Variants in ABITRAM observed in about 807,000 individuals in gnomAD.
ABITRAM encodes actin binding transcription modulator.
In ABITRAM, 19 loss-of-function variants were observed where a neutral mutation model predicts 22.9. That is an observed-to-expected ratio of 0.83 (90% CI 0.58 to 1.22). The LOEUF (loss-of-function observed/expected upper bound fraction) is 1.22, where lower values mean the gene tolerates loss of function less well. Among genes scored for constraint, ABITRAM ranks in the 50% most tolerant of loss-of-function variants. The pLI, the probability that ABITRAM is intolerant of heterozygous loss-of-function variation, is 0.00. For synonymous variants in ABITRAM, 70 were observed against 73.9 expected (o/e 0.95, Z 0.27); for missense variants, 215 against 220.2 (o/e 0.98, Z 0.15).
chr9:108,950,009 G>A (rs1173591921), intron 3 of ABITRAM, among the ~76,000 whole-genome samples: 5 of 136,140 alleles, frequency 3.7e-5, no homozygotes, highest in South Asian at 2.5e-4. Flanking sequence ...GGGTGACAGA[G>A]CAAGGCTACA....
chr9:108,943,005 G>A, downstream of ABITRAM: 1 of 1,612,830 alleles, frequency 6.2e-7, no homozygotes, highest in South Asian at 1.1e-5. Context: ...TGGACTAAGA[G>A]AGCCATCATG....
chr9:108,944,974 T>G (rs1472011320), downstream of ABITRAM, among the ~76,000 whole-genome samples: 1 of 152,228 alleles, frequency 6.6e-6, no homozygotes, highest in Non-Finnish European at 1.5e-5. Context: ...ATGAAATGAT[T>G]CACTTCCCCA....
At chr9:108,948,928 T>C (rs16913723) in intron 3 of ABITRAM, among the ~76,000 whole-genome samples, 8,914 of 152,210 alleles carry the variant, frequency 0.059, 900 homozygotes, top group African/African-American at 0.21. Flanking sequence ...ATATCATTCC[T>C]GTTCTCCAGT....
At chr9:108,950,149 A>G (rs1830518777) in intron 3 of ABITRAM, among the ~76,000 whole-genome samples, 1 of 152,312 alleles carries the variant, frequency 6.6e-6, no homozygotes, top group Admixed American at 6.5e-5. Context: ...AACATTTTTT[A>G]AAAGCATGAT....
chr9:108,936,475 C>T (rs1039102691), intron 3 of ABITRAM, 38 bp downstream of exon 3: 6 of 1,599,540 alleles, frequency 3.8e-6, no homozygotes, highest in South Asian at 2.2e-5. Context: ...TACTTACATC[C>T]TCTATATTCA....
chr9:108,949,074 A>C (rs1830483802), intron 3 of ABITRAM, among the ~76,000 whole-genome samples: 1 of 152,240 alleles, frequency 6.6e-6, no homozygotes, highest in South Asian at 2.1e-4. Context: ...AGAAATATGA[A>C]TGATTACATG....
Position 108,935,558 on chromosome 9 carries a change from A to G in ABITRAM, c.80-80A>G, listed in dbSNP as rs910041508. On this transcript the variant is annotated intron_variant, in intron 1 of 5. Coordinates refer to ENST00000322940, the MANE Select transcript of ABITRAM (RefSeq NM_017832.4). The stretch of plus-strand genomic sequence containing the variant: ...TGTATGTGTCCAGTCTTCATTATCA[A>G]CTATATGACCCAAAGAAAGTACCAC... 3 of 1,113,168 alleles carry G rather than the reference A, an allele frequency of 2.7e-6. No individual in the cohort carries two copies. In the African/African-American group the frequency reaches 4.7e-5, roughly 17 times the overall value. 69.0% of individuals were successfully genotyped at this position (1,113,168 alleles called of 1,614,324 possible).
chr9:108,947,818 A>C (rs1830449264), intron 3 of ABITRAM, among the ~76,000 whole-genome samples: 1 of 152,228 alleles, frequency 6.6e-6, no homozygotes, highest in African/African-American at 2.4e-5. Context: ...TTTAATCAAT[A>C]TATTTTATCC....
chr9:108,948,136 A>G, intron 3 of ABITRAM: 1 of 1,591,466 alleles, frequency 6.3e-7, no homozygotes, highest in Non-Finnish European at 8.6e-7. Context: ...TTTATTACCC[A>G]CTTTTAGCCC....
intron 3 of ABITRAM, among the ~76,000 whole-genome samples, chr9:108,938,254 G>A (rs993489176): frequency 6.6e-6 from 1 of 152,156 alleles, no homozygotes; most frequent in Admixed American, 6.5e-5. Flanking sequence ...ATTTTAAAAT[G>A]AAGAACCCAC....
chr9:108,943,611 C>T, downstream of ABITRAM: 3 of 996,462 alleles, frequency 3.0e-6, no homozygotes, highest in South Asian at 1.9e-5. Flanking sequence ...AATAAATTGC[C>T]CTTCTGTGGG....
At chr9:108,942,605 T>C (rs1214627195), downstream of ABITRAM, 5 of 586,402 alleles carry the variant, frequency 8.5e-6, no homozygotes, top group South Asian at 2.3e-5. Flanking sequence ...TTATTAGTTG[T>C]CAAAAAGCTT....
rs1830235418 is a variant in ABITRAM at position 108,939,832 on chromosome 9, CCT to C, written c.*151_*152del. On this transcript the variant is annotated 3_prime_UTR_variant, in exon 6 of 6. Coordinates refer to ENST00000322940, the MANE Select transcript of ABITRAM (RefSeq NM_017832.4). ...AGGCCTAGTGCTTCACTTAGTTTTC[CCT>C]CTCTGTCTTCATAATGAGCCTTGGT... is the stretch of plus-strand genomic sequence containing the variant. 1.1e-6 allele frequency: 1 copy of C among 911,958 alleles called. No individual in the cohort carries two copies. Among genetic ancestry groups the C allele is most frequent in the African/African-American group, 1.7e-5 (1 of 59,212 alleles). 56.5% of individuals were successfully genotyped at this position (911,958 alleles called of 1,614,324 possible).
chr9:108,935,330 G>A (rs906789368), intron 1 of ABITRAM, among the ~76,000 whole-genome samples: 3 of 152,110 alleles, frequency 2.0e-5, no homozygotes, highest in Non-Finnish European at 4.4e-5. Context: ...CATAAAGAAC[G>A]GGATGCTAAT....
intron 3 of ABITRAM, among the ~76,000 whole-genome samples, chr9:108,946,274 G>A (rs1484114508): frequency 7.0e-6 from 1 of 142,800 alleles, no homozygotes; most frequent in South Asian, 2.2e-4. Context: ...ACTCCAGCCT[G>A]ACAACAGAGC....
chr9:108,948,262 TAACAAAAAGTTA>T, intron 3 of ABITRAM: 1 of 1,597,570 alleles, frequency 6.3e-7, no homozygotes, highest in South Asian at 1.1e-5. Context: ...GTTAAGAAGG[TAACAAAAAGTTA>T]TTACCTGAAA....
chr9:108,941,071 T>C (rs1004717607), downstream of ABITRAM: 1 of 152,176 alleles, frequency 6.6e-6, no homozygotes, highest in Non-Finnish European at 1.5e-5. Context: ...CAGTATTTTT[T>C]CAGGTATGCA....
chr9:108,935,690 G>A lies in ABITRAM; in HGVS notation c.131+1G>A. On this transcript the variant is annotated splice_donor_variant, in intron 2 of 5. Transcript: ENST00000322940. LOFTEE classifies it high-confidence loss of function. ...ACTGTATACTACAGCACTCTAACCG[G>A]TAAGCAAATTGGGAATTTTAAATTA... 1.2e-6 allele frequency: 2 copies of A among 1,611,692 alleles called. No individual in the cohort carries two copies. The highest frequency in any genetic ancestry group is 1.1e-5 in the South Asian group (1 of 90,740).
chr9:108,935,616 A>G (rs769864142), intron 1 of ABITRAM, 22 bp from the exon 2 acceptor site: 12 of 1,602,350 alleles, frequency 7.5e-6, no homozygotes, highest in South Asian at 5.5e-5. Flanking sequence ...TCAGCCACCA[A>G]CAGACTCATG....
Sources: allele counts gnomAD v4.1 joint callset (sites outside exome capture counted in the v4.1 genomes callset), GRCh38; gene constraint gnomAD v4.1.1; transcripts MANE v1.5; gene names NCBI Gene and HGNC (gene_info 2026-07-23, HGNC 2026-07-21).